PITPNM2: variants seen among roughly 807,000 people sequenced by gnomAD.
PITPNM2 encodes phosphatidylinositol transfer protein membrane associated 2, also known as membrane-associated phosphatidylinositol transfer protein 2.
A neutral mutation model predicts 132.2 loss-of-function variants in PITPNM2; 35 were observed. The observed-to-expected ratio is 0.26, with a 90% CI of 0.20 to 0.35. The LOEUF (loss-of-function observed/expected upper bound fraction) is 0.35. Among genes scored for constraint, PITPNM2 ranks in the 10% least tolerant of loss-of-function variants. The pLI is 1.00. For synonymous variants in PITPNM2, 738 were observed against 799.2 expected (o/e 0.92, Z 1.29); for missense variants, 1,332 against 1,912.0 (o/e 0.70, Z 5.66).
Position 122,986,592 on chromosome 12 carries a change from C to T in PITPNM2, c.3598-28G>A, listed in dbSNP as rs756797066. On this transcript the variant is annotated intron_variant, in intron 24 of 25. Coordinates refer to ENST00000320201, the MANE Select transcript of PITPNM2 (RefSeq NM_020845.3). ...GTGGGGAGACTGGCATGGGCACAGG[C>T]ACCATGGTCCCTCTGCCCCCACCCC... 26 of 1,598,180 alleles carry T rather than the reference C, an allele frequency of 1.6e-5. No individual in the cohort carries two copies. In the East Asian group the frequency reaches 4.7e-4, roughly 29 times the overall value.
At chr12:123,002,935 C>T (rs545959244) in intron 8 of PITPNM2, among the ~76,000 whole-genome samples, 1 of 152,064 alleles carries the variant, frequency 6.6e-6, no homozygotes, top group East Asian at 1.9e-4. Flanking sequence ...GACAGGGTTT[C>T]GCCATGTTGC....
Position 122,988,370 on chromosome 12 carries a change from C to T in PITPNM2, c.2881-20G>A. On this transcript the variant is annotated intron_variant, in intron 19 of 25. Transcript: ENST00000320201. ...CATGACCTGGGAAGAGGGGACAGTG[C>T]AGGCTGTGGGGCAGATGCCACCCGG... 2 of 1,606,784 alleles carry T rather than the reference C, an allele frequency of 1.2e-6. No homozygotes were observed. Among genetic ancestry groups the T allele is most frequent in the Non-Finnish European group, 1.7e-6 (2 of 1,174,520 alleles).
At chr12:122,995,751 C>A in intron 13 of PITPNM2, 91 bp from the exon 14 acceptor site, 2 of 1,441,060 alleles carry the variant, frequency 1.4e-6, no homozygotes, top group Non-Finnish European at 1.8e-6. Context: ...CCTCCTAACC[C>A]CAGGCCAAGC....
chr12:123,048,634 G>A (rs527725486), intron 2 of PITPNM2, among the ~76,000 whole-genome samples: 105 of 151,436 alleles, frequency 6.9e-4, no homozygotes, highest in African/African-American at 2.3e-3. Flanking sequence ...GGATGGTCTC[G>A]ATCTCCTGAC....
Position 123,000,767 on chromosome 12 carries a change from C to A in PITPNM2, c.1224+11G>T. The stretch of plus-strand genomic sequence containing the variant: ...GCCATGCCCCTGTCCCTCTGACACC[C>A]GGGCACCCACCTCTATGATGTTCAG... On this transcript the variant is annotated intron_variant, in intron 10 of 25. Coordinates refer to ENST00000320201, the MANE Select transcript of PITPNM2 (RefSeq NM_020845.3). The surrounding 1 kb of genome is among the most constrained non-coding windows in gnomAD (Gnocchi z 5.4). 1 of 1,613,686 alleles carries A rather than the reference C, an allele frequency of 6.2e-7. No individual in the cohort carries two copies. The highest frequency in any genetic ancestry group is 8.5e-7 in the Non-Finnish European group (1 of 1,179,894).
chr12:123,020,717 G>A (rs1469264060), intron 3 of PITPNM2, among the ~76,000 whole-genome samples: 2 of 152,056 alleles, frequency 1.3e-5, no homozygotes, highest in African/African-American at 4.8e-5. Flanking sequence ...GGAGAGGCCG[G>A]GCTGCAGTTG....
intron 2 of PITPNM2, among the ~76,000 whole-genome samples, chr12:123,093,943 C>T (rs982398943): frequency 1.3e-5 from 2 of 152,260 alleles, no homozygotes; most frequent in Non-Finnish European, 2.9e-5. Flanking sequence ...TTAGGATCAG[C>T]CCCCTCATCT....
intron 1 of PITPNM2, among the ~76,000 whole-genome samples, chr12:123,127,082 C>G (rs1366413057): frequency 6.6e-6 from 1 of 152,172 alleles, no homozygotes; most frequent in Non-Finnish European, 1.5e-5. Flanking sequence ...TGGTTCATCC[C>G]TCCTCAAGTC....
chr12:123,039,935 C>T (rs1257067333), intron 2 of PITPNM2, among the ~76,000 whole-genome samples: 1 of 152,106 alleles, frequency 6.6e-6, no homozygotes, highest in Non-Finnish European at 1.5e-5. Flanking sequence ...AGTTTGAGAC[C>T]AGCCTGAGCA....
intron 1 of PITPNM2, among the ~76,000 whole-genome samples, chr12:123,136,909 A>G (rs2043394294): frequency 6.6e-6 from 1 of 152,186 alleles, no homozygotes; most frequent in Admixed American, 6.5e-5. Context: ...AATAATAATA[A>G]TAATTAAGCC....
chr12:123,085,586 G>A (rs181193079), intron 2 of PITPNM2, among the ~76,000 whole-genome samples: 2 of 152,262 alleles, frequency 1.3e-5, no homozygotes, highest in African/African-American at 4.8e-5. Flanking sequence ...GAAATGGATA[G>A]GGGTGATGGT....
chr12:123,009,576 A>C lies in PITPNM2; in HGVS notation c.643+274T>G, dbSNP rs1435703069. 6.6e-6 allele frequency among the ~76,000 whole-genome samples: 1 copy of C among 152,174 alleles called. No individual in the cohort carries two copies. The highest frequency in any genetic ancestry group is 2.4e-5 in the African/African-American group (1 of 41,454). On this transcript the variant is annotated intron_variant, in intron 6 of 25. Transcript: ENST00000320201. The surrounding 1 kb of genome is among the most constrained non-coding windows in gnomAD (Gnocchi z 4.8). ...TTTATCAAATGCGAACTAGGTCAGG[A>C]ATGTCTGGGGGCAGTGCCTAGGGCT...
At position 122,985,112 on chromosome 12, in the gene PITPNM2, G is replaced by A. The variant is rs2037881274; in HGVS notation, c.*915C>T. 1.3e-5 allele frequency: 2 copies of A among 152,612 alleles called. No individual in the cohort carries two copies. Among genetic ancestry groups the A allele is most frequent in the Admixed American group, 1.3e-4 (2 of 15,286 alleles). 9.5% of individuals were successfully genotyped at this position (152,612 alleles called of 1,614,324 possible). A position where few individuals can be genotyped will look rare whatever the true frequency, so the allele number is the denominator to read the frequency against. On this transcript the variant is annotated 3_prime_UTR_variant, in exon 26 of 26. Transcript: ENST00000320201. The stretch of plus-strand genomic sequence containing the variant: ...GCAGGGCCCACGGGACCCAGAACCA[G>A]GCTGGACTCCGTCACAGTGCTGGGT...
chr12:123,079,391 C>G (rs1161981959), intron 2 of PITPNM2, among the ~76,000 whole-genome samples: 5 of 104,526 alleles, frequency 4.8e-5, no homozygotes, highest in Non-Finnish European at 8.7e-5. Context: ...GAGACAGAGT[C>G]AGGCTGGAGT....
At chr12:123,025,922 C>T (rs1265317806) in intron 3 of PITPNM2, among the ~76,000 whole-genome samples, 1 of 152,134 alleles carries the variant, frequency 6.6e-6, no homozygotes, top group Admixed American at 6.5e-5. Context: ...ATGAGACGAT[C>T]GAGGCTATGA....
chr12:123,128,418 G>GCAATACAGTGAGACTCGA (rs1339681868), intron 1 of PITPNM2, among the ~76,000 whole-genome samples: 1 of 146,404 alleles, frequency 6.8e-6, no homozygotes. Flanking sequence ...TCCAGCCTGG[G>GCAATACAGTGAGACTCGA]TGACAGAGCA....
At chr12:123,052,696 A>G (rs1238683714) in intron 2 of PITPNM2, among the ~76,000 whole-genome samples, 1 of 152,080 alleles carries the variant, frequency 6.6e-6, no homozygotes, top group Admixed American at 6.6e-5. Context: ...CTACTCTTGA[A>G]TCTCCCTTCC....
At chr12:123,017,632 G>A (rs2039479972) in intron 3 of PITPNM2, among the ~76,000 whole-genome samples, 1 of 152,194 alleles carries the variant, frequency 6.6e-6, no homozygotes, top group African/African-American at 2.4e-5. Flanking sequence ...ATCAACAGAT[G>A]AATGAATAAA....
At chr12:123,147,674 A>G (rs529169414) in intron 1 of PITPNM2, among the ~76,000 whole-genome samples, 2 of 152,308 alleles carry the variant, frequency 1.3e-5, no homozygotes, top group Non-Finnish European at 1.5e-5. Context: ...GCAGCCTGGA[A>G]GCCAAGGAGA....
Sources: gnomAD v4.1 joint callset for allele counts (sites outside exome capture counted in the v4.1 genomes callset) on GRCh38, gnomAD v4.1.1 for gene constraint, Gnocchi (gnomAD v3.1) non-coding constraint, MANE v1.5 for transcripts, NCBI Gene and HGNC (gene_info 2026-07-23, HGNC 2026-07-21) for gene names.